The following LINGO2 variants were observed in gnomAD, a reference collection of about 807,000 sequenced individuals.
LINGO2 encodes leucine rich repeat and Ig domain containing 2, also known as leucine-rich repeat and immunoglobulin-like domain-containing nogo receptor-interacting protein 2.
LINGO2 carries 14 observed loss-of-function variants against 30.6 expected under a neutral mutation model. The observed-to-expected ratio is 0.46, with a 90% CI of 0.30 to 0.72. The LOEUF (loss-of-function observed/expected upper bound fraction) is 0.72, where lower values mean the gene tolerates loss of function less well. Ranked by LOEUF, LINGO2 falls within the 30% of genes least tolerant of loss-of-function variation. The pLI, the probability that LINGO2 is intolerant of heterozygous loss-of-function variation, is 0.07. For synonymous variants in LINGO2, 317 were observed against 288.5 expected, an observed-to-expected ratio of 1.10 and a Z score of -1.00; for missense variants, 729 against 751.7, an observed-to-expected ratio of 0.97 and a Z score of 0.35.
intron 5 of LINGO2, among the ~76,000 whole-genome samples, chr9:27,996,364 C>T (rs550157813): frequency 9.2e-5 from 14 of 152,096 alleles, no homozygotes; most frequent in African/African-American, 2.7e-4. Context: ...CATATAATAG[C>T]CAAAATATAG....
chr9:28,313,668 A>G (rs988101454), intron 3 of LINGO2, among the ~76,000 whole-genome samples: 17 of 152,166 alleles, frequency 1.1e-4, no homozygotes, highest in African/African-American at 3.9e-4. Flanking sequence ...ATCAAATTCT[A>G]TTTTGAAGAA....
intron 4 of LINGO2, among the ~76,000 whole-genome samples, chr9:28,140,030 A>G (rs1280799276): frequency 1.3e-5 from 2 of 152,250 alleles, no homozygotes; most frequent in Non-Finnish European, 2.9e-5. Context: ...ACAGACATAT[A>G]CAATTAAACA....
intron 5 of LINGO2, among the ~76,000 whole-genome samples, chr9:27,955,115 GT>G (rs1269836849): frequency 6.6e-6 from 1 of 152,136 alleles, no homozygotes; most frequent in Non-Finnish European, 1.5e-5. Context: ...TCATGGATAT[GT>G]TTTATAATGA....
intron 3 of LINGO2, among the ~76,000 whole-genome samples, chr9:28,361,578 A>G (rs893650349): frequency 1.3e-5 from 2 of 152,100 alleles, no homozygotes; most frequent in Non-Finnish European, 2.9e-5. Context: ...CTAATGAGTC[A>G]TGACCTGAGA....
At chr9:29,163,966 G>A in the LINGO2 span, among the ~76,000 whole-genome samples, 1 of 152,170 alleles carries the variant, frequency 6.6e-6, no homozygotes, top group Admixed American at 6.5e-5. Context: ...ACAAAGTATG[G>A]ATTAAGTGAT....
intron 2 of LINGO2, among the ~76,000 whole-genome samples, chr9:28,475,217 C>A (rs944497815): frequency 1.3e-5 from 2 of 152,136 alleles, no homozygotes; most frequent in Admixed American, 6.6e-5. Context: ...CCTATAAGGC[C>A]TCATATAAAT....
At chr9:28,104,518 A>G (rs893937935) in intron 4 of LINGO2, among the ~76,000 whole-genome samples, 3 of 151,858 alleles carry the variant, frequency 2.0e-5, no homozygotes, top group Non-Finnish European at 4.4e-5. Context: ...CAGACCTCCC[A>G]ATATAGAGCA....
chr9:28,118,076 T>C (rs921536692), intron 4 of LINGO2, among the ~76,000 whole-genome samples: 1 of 150,810 alleles, frequency 6.6e-6, no homozygotes, highest in South Asian at 2.1e-4. Flanking sequence ...CAGTGGGGCC[T>C]GTTGGGGGGT....
At chr9:29,199,436 A>G in the LINGO2 span, among the ~76,000 whole-genome samples, 25,190 of 152,000 alleles carry the variant, frequency 0.17, 2,225 homozygotes, top group East Asian at 0.38. Flanking sequence ...ACCCAGGGGA[A>G]GTTTATCCAG....
chr9:28,925,511 G>T, the LINGO2 span, among the ~76,000 whole-genome samples: 1 of 152,190 alleles, frequency 6.6e-6, no homozygotes, highest in Non-Finnish European at 1.5e-5. Flanking sequence ...ATACATCATT[G>T]CAGAAAAACA....
chr9:28,878,833 G>A, the LINGO2 span, among the ~76,000 whole-genome samples: 22 of 152,036 alleles, frequency 1.4e-4, no homozygotes, highest in Non-Finnish European at 2.9e-4. Context: ...CTGATGGGAC[G>A]TATCTCAAAA....
chr9:27,950,265 A>G, exon 6 of LINGO2: 9 of 1,614,112 alleles, frequency 5.6e-6, no homozygotes, highest in Non-Finnish European at 7.6e-6. Context: ...ATTCTCACTA[A>G]TGTCAAGCTT....
intron 5 of LINGO2, among the ~76,000 whole-genome samples, chr9:27,999,538 A>G (rs1388486704): frequency 6.6e-6 from 1 of 152,076 alleles, no homozygotes; most frequent in African/African-American, 2.4e-5. Context: ...TTATATATAA[A>G]GGATACTCAT....
At chr9:28,340,424 G>T (rs1267365735) in intron 3 of LINGO2, among the ~76,000 whole-genome samples, 2 of 152,048 alleles carry the variant, frequency 1.3e-5, no homozygotes, top group African/African-American at 4.8e-5. Flanking sequence ...CATTCTTTCT[G>T]GATGGGGTAT....
the LINGO2 span, among the ~76,000 whole-genome samples, chr9:28,900,872 G>C: frequency 1.3e-5 from 2 of 151,920 alleles, no homozygotes; most frequent in Admixed American, 1.3e-4. Context: ...AAAAACAATT[G>C]GTTTAAGGAG....
At chr9:29,131,636 G>A in the LINGO2 span, among the ~76,000 whole-genome samples, 5 of 151,984 alleles carry the variant, frequency 3.3e-5, no homozygotes, top group African/African-American at 4.8e-5. Flanking sequence ...AAAATTCCAA[G>A]TACCATTTTG....
At chr9:28,704,126 T>A in the LINGO2 span, among the ~76,000 whole-genome samples, 1 of 152,198 alleles carries the variant, frequency 6.6e-6, no homozygotes, top group South Asian at 2.1e-4. Flanking sequence ...GCAGGTTTAT[T>A]GATGATAACA....
chr9:28,864,864 G>A, the LINGO2 span, among the ~76,000 whole-genome samples: 6 of 152,252 alleles, frequency 3.9e-5, no homozygotes, highest in East Asian at 1.2e-3. Flanking sequence ...CATAGTCTTG[G>A]TTAGATGCTG....
the LINGO2 span, among the ~76,000 whole-genome samples, chr9:29,039,471 T>C: frequency 6.6e-6 from 1 of 152,158 alleles, no homozygotes; most frequent in Non-Finnish European, 1.5e-5. Flanking sequence ...TAAGGCTACA[T>C]GTAGCAAAAC....
Sources: gnomAD v4.1 joint callset for allele counts (sites outside exome capture counted in the v4.1 genomes callset) on GRCh38, gnomAD v4.1.1 for gene constraint, MANE v1.5 for transcripts, NCBI Gene and HGNC (gene_info 2026-07-23, HGNC 2026-07-21) for gene names.